KPNA4: variants seen among roughly 807,000 people sequenced by gnomAD.
KPNA4 encodes the protein karyopherin subunit alpha 4.
A neutral mutation model predicts 71.3 loss-of-function variants in KPNA4; 13 were observed. That is an observed-to-expected ratio of 0.18 (90% CI 0.12 to 0.29). The LOEUF is 0.29. KPNA4 is among the 10% of genes least tolerant of loss of function. The pLI is 1.00. For missense variants in KPNA4, 334 were observed against 603.2 expected (o/e 0.55, Z 4.67); for synonymous variants, 189 against 195.2 (o/e 0.97, Z 0.26).
Position 160,512,827 on chromosome 3 carries a change from A to T in KPNA4, c.1137+1250T>A, listed in dbSNP as rs547985917. On this transcript the variant is annotated intron_variant, in intron 13 of 16. Transcript: ENST00000334256. ...AGCCTGGGTGACAGCGAGACCGTCT[A>T]AAAAAAAACAACAAAACAAAAAACA... Among the ~76,000 whole-genome samples, 6 of 138,402 alleles carry T rather than the reference A, an allele frequency of 4.3e-5. No homozygotes were observed. The East Asian group carries it at 1.0e-3, about 24-fold the overall frequency. The allele number at this position is 138,402 out of a possible 152,430, so 90.8% of individuals were successfully genotyped here.
chr3:160,564,260 C>G (rs1299567512), intron 1 of KPNA4: 1 of 152,078 alleles, frequency 6.6e-6, no homozygotes, highest in East Asian at 1.9e-4. Context: ...TCGGGAGCAG[C>G]TGTATCTAAG....
intron 1 of KPNA4, among the ~76,000 whole-genome samples, chr3:160,558,610 G>C (rs1188284364): frequency 1.3e-5 from 2 of 152,284 alleles, no homozygotes; most frequent in East Asian, 3.9e-4. Context: ...TTAATTAAAA[G>C]TGACACTCAT....
intron 10 of KPNA4, among the ~76,000 whole-genome samples, chr3:160,523,330 T>C (rs148078162): frequency 6.6e-6 from 1 of 152,186 alleles, no homozygotes; most frequent in Non-Finnish European, 1.5e-5. Context: ...CAATTCGGCA[T>C]TGTTTATTTT....
At chr3:160,517,520 A>G (rs1357294628) in intron 11 of KPNA4, among the ~76,000 whole-genome samples, 1 of 152,030 alleles carries the variant, frequency 6.6e-6, no homozygotes, top group Non-Finnish European at 1.5e-5. Context: ...CTTATGTTTA[A>G]CTTTTTGAGG....
Position 160,500,445 on chromosome 3 carries a change from T to C in KPNA4, c.*1659A>G, listed in dbSNP as rs1231996849. 2 of 152,648 alleles carry C rather than the reference T, an allele frequency of 1.3e-5. No individual in the cohort carries two copies. The highest frequency in any genetic ancestry group is 2.9e-5 in the Non-Finnish European group (2 of 68,018). The allele number at this position is 152,648 out of a possible 1,614,324, so 9.5% of individuals were successfully genotyped here. On this transcript the variant is annotated 3_prime_UTR_variant, in exon 17 of 17. Coordinates refer to ENST00000334256, the MANE Select transcript of KPNA4 (RefSeq NM_002268.5). ...GGTGGCTAATCTGGTATGTTTCTTATAGCAAACTGTTGTTCATGCAACACT... is the reference window on the plus strand; with the variant it reads ...GGTGGCTAATCTGGTATGTTTCTTACAGCAAACTGTTGTTCATGCAACACT...
chr3:160,559,852 A>G (rs563806052), intron 1 of KPNA4, among the ~76,000 whole-genome samples: 190 of 152,262 alleles, frequency 1.2e-3, no homozygotes, highest in African/African-American at 4.5e-3. Flanking sequence ...AAAAGGTTCA[A>G]CATGGCCATT....
chr3:160,521,311 T>C (rs1241232126), intron 11 of KPNA4, among the ~76,000 whole-genome samples: 1 of 152,168 alleles, frequency 6.6e-6, no homozygotes, highest in Non-Finnish European at 1.5e-5. Flanking sequence ...TAAAAATCAG[T>C]AATCCGGCCA....
At chr3:160,524,177 G>C (rs1264712809) in intron 10 of KPNA4, among the ~76,000 whole-genome samples, 2 of 152,072 alleles carry the variant, frequency 1.3e-5, no homozygotes, top group East Asian at 3.9e-4. Flanking sequence ...AATTCTTCAA[G>C]ATACATCAAA....
At chr3:160,531,779 G>C (rs867574093) in intron 5 of KPNA4, among the ~76,000 whole-genome samples, 2 of 152,058 alleles carry the variant, frequency 1.3e-5, no homozygotes, top group East Asian at 1.9e-4. Flanking sequence ...TAAGAATGTA[G>C]ATATGAACCA....
intron 10 of KPNA4, among the ~76,000 whole-genome samples, chr3:160,522,601 G>A (rs1261875829): frequency 2.0e-5 from 3 of 152,158 alleles, no homozygotes; most frequent in Admixed American, 6.5e-5. Context: ...GGGACTACAG[G>A]CGCATGCCGC....
Position 160,495,103 on chromosome 3 carries a change from G to C in KPNA4, c.*7001C>G, listed in dbSNP as rs1720727513. The C allele has an allele frequency of 1.3e-5, 2 of 152,194 alleles. No individual in the cohort carries two copies. Among genetic ancestry groups the C allele is most frequent in the Non-Finnish European group, 2.9e-5 (2 of 68,050 alleles). 9.4% of individuals were successfully genotyped at this position (152,194 alleles called of 1,614,324 possible). On this transcript the variant is annotated 3_prime_UTR_variant, in exon 17 of 17. Transcript: ENST00000334256. The stretch of plus-strand genomic sequence containing the variant: ...TATATGCCGACCTTGCCCTTAAGGA[G>C]CTTACAATCTAGTGGAAAGAAAGAC...
chr3:160,534,125 C>T (rs1374160246), intron 5 of KPNA4, among the ~76,000 whole-genome samples: 1 of 152,124 alleles, frequency 6.6e-6, no homozygotes, highest in Non-Finnish European at 1.5e-5. Flanking sequence ...TAAACAAATA[C>T]TGGAAAAGTC....
Position 160,565,367 on chromosome 3 carries a change from GGCC to G in KPNA4, c.-88_-86del. The G allele has an allele frequency of 8.6e-7, 1 of 1,156,392 alleles. No homozygotes were observed. The highest frequency in any genetic ancestry group is 1.6e-5 in the African/African-American group (1 of 64,328). The allele number at this position is 1,156,392 out of a possible 1,614,324, so 71.6% of individuals were successfully genotyped here. A position where few individuals can be genotyped will look rare whatever the true frequency, so the allele number is the denominator to read the frequency against. ...GCCGCACCGACACTCCCAGGAACCG[GGCC>G]GCCGCCTGAGCTGCTGTGCCCGCCG... On this transcript the variant is annotated 5_prime_UTR_variant, in exon 1 of 17. Transcript: ENST00000334256.
rs191987543 is a variant in KPNA4 at position 160,496,661 on chromosome 3, C to G, written c.*5443G>C. 18 of 152,242 alleles carry G rather than the reference C, an allele frequency of 1.2e-4. No homozygotes were observed. In the East Asian group the frequency reaches 3.5e-3, roughly 29 times the overall value. The allele number at this position is 152,242 out of a possible 1,614,324, so 9.4% of individuals were successfully genotyped here. A position where few individuals can be genotyped will look rare whatever the true frequency, so the allele number is the denominator to read the frequency against. ...GAATAAAAGTGGAAGAACTGATAGT[C>G]TGGAAAGGTGAAGTAATCTGGAGTA... On this transcript the variant is annotated 3_prime_UTR_variant, in exon 17 of 17. Coordinates refer to ENST00000334256, the MANE Select transcript of KPNA4 (RefSeq NM_002268.5).
chr3:160,548,029 T>C (rs75943566), intron 1 of KPNA4, among the ~76,000 whole-genome samples: 27,110 of 152,208 alleles, frequency 0.18, 3,025 homozygotes, highest in Non-Finnish European at 0.24. Context: ...GACATAAGTT[T>C]TGAACTCATT....
In KPNA4 at chr3:160,496,042, C is replaced by A. The variant is rs1720755246; in HGVS notation, c.*6062G>T. On this transcript the variant is annotated 3_prime_UTR_variant, in exon 17 of 17. Transcript: ENST00000334256. ...GTGGCTCACGCCTGCAATCCCAGCA[C>A]TTTGGGAGGCCAAGGAGGGTGGATC... 1 of 151,900 alleles carries A rather than the reference C, an allele frequency of 6.6e-6. No individual in the cohort carries two copies. Among genetic ancestry groups the A allele is most frequent in the Non-Finnish European group, 1.5e-5 (1 of 68,078 alleles). 9.4% of individuals were successfully genotyped at this position (151,900 alleles called of 1,614,324 possible).
intron 5 of KPNA4, among the ~76,000 whole-genome samples, chr3:160,531,835 CA>C (rs1426054663): frequency 2.0e-5 from 3 of 152,086 alleles, no homozygotes; most frequent in Non-Finnish European, 1.5e-5. Context: ...CTCTGTTGCC[CA>C]GGCTAGAGTG....
chr3:160,565,312 G>C lies in KPNA4; in HGVS notation c.-30C>G. On this transcript the variant is annotated 5_prime_UTR_variant, in exon 1 of 17. Coordinates refer to ENST00000334256, the MANE Select transcript of KPNA4 (RefSeq NM_002268.5). The stretch of plus-strand genomic sequence containing the variant: ...GGGCCGGTGACTCCTTCCCCCGCCC[G>C]GGCCCCGCGGGATCCGCCCCAACCA... The C allele has an allele frequency of 6.4e-7, 1 of 1,551,066 alleles. No homozygotes were observed. The highest frequency in any genetic ancestry group is 8.8e-7 in the Non-Finnish European group (1 of 1,142,770).
intron 8 of KPNA4, among the ~76,000 whole-genome samples, 170 bp downstream of exon 8, chr3:160,527,783 T>C (rs531926561): frequency 1.3e-5 from 2 of 152,306 alleles, no homozygotes; most frequent in East Asian, 3.9e-4. Context: ...AAAATTCTAT[T>C]TACTATGACT....
Sources: gnomAD v4.1 joint callset for allele counts (sites outside exome capture counted in the v4.1 genomes callset) on GRCh38, gnomAD v4.1.1 for gene constraint, MANE v1.5 for transcripts, NCBI Gene and HGNC (gene_info 2026-07-23, HGNC 2026-07-21) for gene names.